Variants in DRC9 observed in about 807,000 individuals in gnomAD.
DRC9 encodes the protein dynein regulatory complex protein 9.
At chr3:197,913,313 T>C in the DRC9 span, 1 of 187,356 alleles carries the variant, frequency 5.3e-6, no homozygotes, top group Non-Finnish European at 1.1e-5. Context: ...GACTAGTGCC[T>C]GGCTTTGCGT....
chr3:197,951,339 G>A, the DRC9 span: 1 of 1,612,424 alleles, frequency 6.2e-7, no homozygotes, highest in Non-Finnish European at 8.5e-7. Context: ...GTAGGTTTTG[G>A]GTTTTTGAGA....
chr3:197,958,042 C>T, the DRC9 span: 1 of 152,152 alleles, frequency 6.6e-6, no homozygotes, highest in East Asian at 1.9e-4. Context: ...TGTAATACAA[C>T]GTCACTGAAG....
the DRC9 span, among the ~76,000 whole-genome samples, chr3:197,935,790 T>C: frequency 6.6e-6 from 1 of 152,112 alleles, no homozygotes; most frequent in East Asian, 1.9e-4. Context: ...GCCAGGAAAG[T>C]AACTTCAACA....
the DRC9 span, chr3:197,943,888 G>A: frequency 1.2e-6 from 2 of 1,614,164 alleles, no homozygotes; most frequent in Non-Finnish European, 8.5e-7. Flanking sequence ...ACATCTGGAA[G>A]GGACAGTGGC....
At chr3:197,903,671 A>T in the DRC9 span, among the ~76,000 whole-genome samples, 1 of 152,190 alleles carries the variant, frequency 6.6e-6, no homozygotes, top group African/African-American at 2.4e-5. Flanking sequence ...AGGCTTCTGC[A>T]TAGCAAACAA....
chr3:197,906,237 G>A, the DRC9 span: 1 of 152,128 alleles, frequency 6.6e-6, no homozygotes, highest in Non-Finnish European at 1.5e-5. Context: ...ATGTGGGTGG[G>A]ACACCCGGCC....
chr3:197,943,292 TATA>T, the DRC9 span, among the ~76,000 whole-genome samples: 1 of 152,194 alleles, frequency 6.6e-6, no homozygotes, highest in African/African-American at 2.4e-5. Context: ...GTAAAACCAA[TATA>T]CTAGAAAAGG....
chr3:197,889,816 A>G, the DRC9 span: 3 of 1,363,194 alleles, frequency 2.2e-6, no homozygotes, highest in South Asian at 1.2e-5. Flanking sequence ...CTGTCTGACA[A>G]ACAGTCTCTC....
At chr3:197,923,622 C>G in the DRC9 span, among the ~76,000 whole-genome samples, 993 of 149,802 alleles carry the variant, frequency 6.6e-3, 14 homozygotes, top group African/African-American at 0.023. Flanking sequence ...TCCCAGCTAT[C>G]TGGGGGCTGA....
chr3:197,917,659 C>A, the DRC9 span, among the ~76,000 whole-genome samples: 1 of 152,032 alleles, frequency 6.6e-6, no homozygotes, highest in African/African-American at 2.4e-5. Context: ...GAGATGTCTG[C>A]TTTTGGCTCA....
At chr3:197,895,195 C>T in the DRC9 span, among the ~76,000 whole-genome samples, 1 of 152,126 alleles carries the variant, frequency 6.6e-6, no homozygotes, top group Non-Finnish European at 1.5e-5. Context: ...GGAACAGGCT[C>T]CAGACAGGCA....
the DRC9 span, chr3:197,953,540 T>C: frequency 2.2e-6 from 1 of 457,252 alleles, no homozygotes; most frequent in Non-Finnish European, 4.4e-6. Context: ...GGACACACAC[T>C]CCTTGGCCCC....
the DRC9 span, chr3:197,951,470 A>G: frequency 4.0e-6 from 3 of 749,536 alleles, no homozygotes; most frequent in South Asian, 1.5e-5. Flanking sequence ...GTCCTGTCTC[A>G]GCCTCCCGAG....
At chr3:197,930,749 A>G in the DRC9 span, among the ~76,000 whole-genome samples, 4 of 150,122 alleles carry the variant, frequency 2.7e-5, no homozygotes, top group Non-Finnish European at 5.9e-5. Context: ...AAAAAAAAAA[A>G]AAAAGAAAGA....
the DRC9 span, among the ~76,000 whole-genome samples, chr3:197,903,991 C>CAT: frequency 7.7e-5 from 11 of 143,324 alleles, no homozygotes; most frequent in East Asian, 2.0e-4. Flanking sequence ...TACACACACA[C>CAT]ATATATATAT....
chr3:197,938,974 G>A, the DRC9 span: 21 of 577,826 alleles, frequency 3.6e-5, no homozygotes, highest in Admixed American at 1.2e-4. Context: ...CTTCTTCTCC[G>A]TCATTCCCCA....
At chr3:197,913,569 TG>T in the DRC9 span, 1 of 509,812 alleles carries the variant, frequency 2.0e-6, no homozygotes, top group Non-Finnish European at 3.6e-6. Flanking sequence ...CACCTCGTTT[TG>T]CCCTCTCCCT....
At chr3:197,955,842 C>A in the DRC9 span, 47 of 1,287,104 alleles carry the variant, frequency 3.7e-5, no homozygotes, top group Non-Finnish European at 5.2e-5. Flanking sequence ...AAAAAACTTA[C>A]TACCTTAAAT....
chr3:197,891,781 A>T, the DRC9 span, among the ~76,000 whole-genome samples: 1 of 152,234 alleles, frequency 6.6e-6, no homozygotes, highest in East Asian at 1.9e-4. Context: ...ATCTTTTATA[A>T]AAAATGAAAT....
Sources: gnomAD v4.1 joint callset for allele counts (sites outside exome capture counted in the v4.1 genomes callset) on GRCh38, gnomAD v4.1.1 for gene constraint, MANE v1.5 for transcripts, NCBI Gene and HGNC (gene_info 2026-07-23, HGNC 2026-07-21) for gene names.